The following GLT8D2 variants were observed in gnomAD, a reference collection of about 807,000 sequenced individuals.
GLT8D2 encodes glycosyltransferase 8 domain containing 2, also known as glycosyltransferase 8 domain-containing protein 2.
GLT8D2 carries 45 observed loss-of-function variants against 44.5 expected under a neutral mutation model. The ratio of observed to expected loss-of-function variants is 1.01; its 90% CI spans 0.80 to 1.30. GLT8D2 has a LOEUF of 1.30. GLT8D2 is among the 50% of genes most tolerant of loss of function. GLT8D2 has a pLI of 0.00. For missense variants in GLT8D2, 400 were observed against 430.4 expected (o/e 0.93, Z 0.62); for synonymous variants, 156 against 157.2 (o/e 0.99, Z 0.06).
At chr12:104,040,922 C>T (rs886743799) in intron 1 of GLT8D2, among the ~76,000 whole-genome samples, 4 of 152,066 alleles carry the variant, frequency 2.6e-5, no homozygotes, top group Non-Finnish European at 5.9e-5. Context: ...TGTTTTCTGG[C>T]AAGGTGTTAG....
intron 1 of GLT8D2, among the ~76,000 whole-genome samples, chr12:104,021,944 A>C (rs3953593): frequency 4.3e-5 from 1 of 23,102 alleles, no homozygotes; most frequent in African/African-American, 1.6e-4. Context: ...AAGAAGAAGA[A>C]GAAGAAGAAG....
chr12:104,001,744 C>T (rs1874247275), intron 5 of GLT8D2, among the ~76,000 whole-genome samples: 1 of 152,042 alleles, frequency 6.6e-6, no homozygotes, highest in Non-Finnish European at 1.5e-5. Flanking sequence ...CACTCTGTCA[C>T]CCAGGCTGAA....
intron 4 of GLT8D2, among the ~76,000 whole-genome samples, chr12:104,012,189 A>ATAT (rs1239571388): frequency 3.0e-5 from 3 of 98,450 alleles, no homozygotes; most frequent in Non-Finnish European, 5.7e-5. Context: ...AAAAAAAAAA[A>ATAT]ATATATATAT....
upstream of GLT8D2, chr12:104,064,398 C>G (rs1015146188): frequency 3.3e-6 from 2 of 600,176 alleles, no homozygotes; most frequent in Admixed American, 4.3e-5. This position sits in a 1 kb window ranked among gnomAD's most constrained non-coding sequence, Gnocchi z 7.3. Context: ...CAGGACCCCC[C>G]TTCCCCAGCG....
At chr12:104,022,749 T>C (rs1566203236) in intron 1 of GLT8D2, among the ~76,000 whole-genome samples, 1 of 149,772 alleles carries the variant, frequency 6.7e-6, no homozygotes, top group Non-Finnish European at 1.5e-5. Context: ...CAGGAGATTC[T>C]ACACACACAC....
chr12:104,001,004 C>T (rs1220702353), intron 5 of GLT8D2, among the ~76,000 whole-genome samples: 1 of 152,214 alleles, frequency 6.6e-6, no homozygotes, highest in Non-Finnish European at 1.5e-5. Flanking sequence ...CATCAGCACC[C>T]TCCCTGATTC....
chr12:104,011,537 C>T (rs1875826030), intron 4 of GLT8D2, among the ~76,000 whole-genome samples: 1 of 152,286 alleles, frequency 6.6e-6, no homozygotes, highest in South Asian at 2.1e-4. Context: ...GAGTGACCAG[C>T]ACACTAGTCA....
intron 9 of GLT8D2, chr12:103,993,976 G>T (rs1424662709): frequency 6.1e-6 from 1 of 163,590 alleles, no homozygotes; most frequent in Non-Finnish European, 1.3e-5. Context: ...ACCTTAAAAA[G>T]CAAAATTGAC....
intron 1 of GLT8D2, chr12:104,029,578 C>T (rs572616345): frequency 1.3e-5 from 2 of 152,268 alleles, no homozygotes; most frequent in African/African-American, 4.8e-5. Flanking sequence ...TTATACTCTT[C>T]TTGCAACTTT....
At chr12:104,011,090 G>A (rs1428700625) in intron 4 of GLT8D2, among the ~76,000 whole-genome samples, 2 of 152,222 alleles carry the variant, frequency 1.3e-5, no homozygotes, top group Admixed American at 6.5e-5. Context: ...ACTAACTTAA[G>A]CCAAAAATAC....
chr12:104,011,663 A>C (rs142847013), intron 4 of GLT8D2, among the ~76,000 whole-genome samples: 172 of 152,274 alleles, frequency 1.1e-3, no homozygotes, highest in African/African-American at 3.9e-3. Context: ...AACTTAGAAC[A>C]CTAGTTCTTT....
intron 9 of GLT8D2, 42 bp from the exon 10 acceptor site, chr12:103,993,546 C>G (rs775955791): frequency 4.3e-5 from 56 of 1,316,950 alleles, no homozygotes; most frequent in Admixed American, 1.2e-4. Flanking sequence ...CCTGGAGCCC[C>G]CACAAACTCA....
At chr12:104,033,520 C>G (rs568952044) in intron 1 of GLT8D2, among the ~76,000 whole-genome samples, 1 of 152,054 alleles carries the variant, frequency 6.6e-6, no homozygotes, top group African/African-American at 2.4e-5. Context: ...GGGGAAATGT[C>G]GGTCAAAGGG....
At chr12:104,062,857 G>A (rs927671233) in intron 1 of GLT8D2, among the ~76,000 whole-genome samples, 2 of 152,114 alleles carry the variant, frequency 1.3e-5, no homozygotes, top group African/African-American at 4.8e-5. Flanking sequence ...ATATAGACCA[G>A]GGGTCCCCAG....
chr12:104,000,535 GA>G lies in GLT8D2; in HGVS notation c.285-1022del, dbSNP rs200691606. On this transcript the variant is annotated intron_variant, in intron 5 of 10. Coordinates refer to ENST00000360814, the MANE Select transcript of GLT8D2 (RefSeq NM_001384711.1). ...TTCTGTTTTGGGATTCTACTTCAAT[GA>G]AAAAAAAAACTTTAAAGTATGTAAA... 4.8e-4 allele frequency among the ~76,000 whole-genome samples: 71 copies of G among 148,976 alleles called. 1 individual carries two copies. The South Asian group carries it at 0.01, about 22-fold the overall frequency.
intron 1 of GLT8D2, among the ~76,000 whole-genome samples, chr12:104,046,063 A>G (rs1881117365): frequency 6.6e-6 from 1 of 152,150 alleles, no homozygotes; most frequent in African/African-American, 2.4e-5. Context: ...GCAAGATAAA[A>G]GAGGGGGTTC....
intron 8 of GLT8D2, among the ~76,000 whole-genome samples, chr12:103,995,705 CATT>C (rs1873324859): frequency 6.6e-6 from 1 of 152,190 alleles, no homozygotes; most frequent in Non-Finnish European, 1.5e-5. Context: ...CTCAATAAGT[CATT>C]GTTGAATGAA....
chr12:104,064,288 T>C (rs972483160), upstream of GLT8D2: 5 of 375,190 alleles, frequency 1.3e-5, no homozygotes, highest in African/African-American at 6.3e-5. This position sits in a 1 kb window ranked among gnomAD's most constrained non-coding sequence, Gnocchi z 7.3. Flanking sequence ...TGGGTGGGGA[T>C]GGGAGACGTG....
intron 1 of GLT8D2, among the ~76,000 whole-genome samples, chr12:104,060,496 G>T (rs563805309): frequency 6.6e-6 from 1 of 152,276 alleles, no homozygotes; most frequent in East Asian, 1.9e-4. Flanking sequence ...TCCCCCAAAA[G>T]ACATGCTGAA....
Sources: gnomAD v4.1 joint callset for allele counts (sites outside exome capture counted in the v4.1 genomes callset) on GRCh38, gnomAD v4.1.1 for gene constraint, Gnocchi (gnomAD v3.1) non-coding constraint, MANE v1.5 for transcripts, NCBI Gene and HGNC (gene_info 2026-07-23, HGNC 2026-07-21) for gene names.